UBE2QL1: variants seen among roughly 807,000 people sequenced by gnomAD.
UBE2QL1 encodes ubiquitin-conjugating enzyme E2Q-like protein 1.
UBE2QL1 carries 5 observed loss-of-function variants against 12.6 expected under a neutral mutation model. That is an observed-to-expected ratio of 0.40 (90% CI 0.21 to 0.83). UBE2QL1 has a LOEUF of 0.83. Ranked by LOEUF, UBE2QL1 falls within the 40% of genes least tolerant of loss-of-function variation. UBE2QL1 has a pLI of 0.37. For missense variants in UBE2QL1, 99 were observed against 222.6 expected, an observed-to-expected ratio of 0.44 and a Z score of 3.53; for synonymous variants, 96 against 94.5, an observed-to-expected ratio of 1.02 and a Z score of -0.10.
chr5:6,488,844 A>C (rs1734514324), intron 1 of UBE2QL1, among the ~76,000 whole-genome samples: 1 of 151,976 alleles, frequency 6.6e-6, no homozygotes, highest in Non-Finnish European at 1.5e-5. Context: ...ACATCCTCGC[A>C]AAGATGTGAA....
chr5:6,450,109 C>T (rs1264125948), intron 1 of UBE2QL1, among the ~76,000 whole-genome samples: 1 of 139,860 alleles, frequency 7.2e-6, no homozygotes, highest in African/African-American at 2.7e-5. Context: ...ACGGCAATGC[C>T]TGTTTTCCCC....
rs79344463 is a variant in UBE2QL1, at chr5:6,461,723, A to G, written c.354+12476A>G. Among the ~76,000 whole-genome samples, 1,158 of 152,210 alleles carry G rather than the reference A, an allele frequency of 7.6e-3. 16 individuals are homozygous for G. Among genetic ancestry groups the G allele is most frequent in the African/African-American group, 0.026 (1,095 of 41,530 alleles). On this transcript the variant is annotated intron_variant, in intron 1 of 1. Transcript: ENST00000399816. ...CCTACAGTGCTCAGACCATTTGTTCATATTTATTTATGTCTCCTTTTTGCT... is the reference window on the plus strand; with the variant it reads ...CCTACAGTGCTCAGACCATTTGTTCGTATTTATTTATGTCTCCTTTTTGCT...
At chr5:6,455,320 C>T (rs1739497793) in intron 1 of UBE2QL1, among the ~76,000 whole-genome samples, 3 of 152,150 alleles carry the variant, frequency 2.0e-5, no homozygotes, top group Admixed American at 1.3e-4. Context: ...AGAAGGAAGG[C>T]AGCCTCACTA....
intron 1 of UBE2QL1, among the ~76,000 whole-genome samples, chr5:6,463,974 AT>A (rs1216849406): frequency 7.2e-5 from 10 of 139,152 alleles, no homozygotes; most frequent in South Asian, 2.3e-4. Context: ...ATTCTAAGAG[AT>A]TTTTTTTTTA....
chr5:6,451,606 G>A (rs1041908408), intron 1 of UBE2QL1, among the ~76,000 whole-genome samples: 4 of 152,170 alleles, frequency 2.6e-5, no homozygotes, highest in Non-Finnish European at 5.9e-5. Context: ...TTTTTAAAGT[G>A]CAAGTTCAAT....
chr5:6,462,663 T>A (rs1739698464), intron 1 of UBE2QL1, among the ~76,000 whole-genome samples: 1 of 152,130 alleles, frequency 6.6e-6, no homozygotes, highest in African/African-American at 2.4e-5. Flanking sequence ...ATTGGAGGGC[T>A]CAAGGAAGAA....
intron 1 of UBE2QL1, among the ~76,000 whole-genome samples, chr5:6,484,026 T>C (rs1184806073): frequency 1.3e-5 from 2 of 152,244 alleles, no homozygotes; most frequent in South Asian, 2.1e-4. Context: ...CTGAGGTGAC[T>C]ATTTTGAGTT....
chr5:6,491,418 A>G lies in UBE2QL1; in HGVS notation c.*69A>G, dbSNP rs543863825. 7,023 of 1,461,868 alleles carry G rather than the reference A, an allele frequency of 4.8e-3. 24 individuals are homozygous for G. Among genetic ancestry groups the G allele is most frequent in the Non-Finnish European group, 5.4e-3 (5,955 of 1,106,066 alleles). 90.6% of individuals were successfully genotyped at this position (1,461,868 alleles called of 1,614,324 possible). A position where few individuals can be genotyped will look rare whatever the true frequency, so the allele number is the denominator to read the frequency against. ...ACACCAGTACCCTGACATCTCCTCA[A>G]TGCTGTGCATCCTCCACCCGTTTTT... On this transcript the variant is annotated 3_prime_UTR_variant, in exon 2 of 2. Coordinates refer to ENST00000399816, the MANE Select transcript of UBE2QL1 (RefSeq NM_001145161.3).
At chr5:6,465,846 C>T (rs1169227416) in intron 1 of UBE2QL1, among the ~76,000 whole-genome samples, 2 of 152,230 alleles carry the variant, frequency 1.3e-5, no homozygotes, top group African/African-American at 4.8e-5. Context: ...GAGGACGGAA[C>T]CTGGACTCCT....
rs1480307164 is a variant in UBE2QL1, at chr5:6,495,741, T to C, written c.*4392T>C. 6.6e-6 allele frequency among the ~76,000 whole-genome samples: 1 copy of C among 152,214 alleles called. No individual in the cohort carries two copies. Among genetic ancestry groups the C allele is most frequent in the African/African-American group, 2.4e-5 (1 of 41,460 alleles). On this transcript the variant is annotated 3_prime_UTR_variant, in exon 2 of 2. Coordinates refer to ENST00000399816, the MANE Select transcript of UBE2QL1 (RefSeq NM_001145161.3). ...TGTAAGGGGCTTGGAGCTCAGCCTA[T>C]GGGACTGTAGTCAGAACTTTGTAAT...
chr5:6,480,044 AG>A (rs1734327600), intron 1 of UBE2QL1, among the ~76,000 whole-genome samples: 1 of 152,254 alleles, frequency 6.6e-6, no homozygotes, highest in South Asian at 2.1e-4. Flanking sequence ...ATCCAGTGCC[AG>A]GGGGCACAGC....
intron 1 of UBE2QL1, among the ~76,000 whole-genome samples, chr5:6,464,143 T>C (rs902980624): frequency 1.3e-5 from 2 of 152,138 alleles, no homozygotes; most frequent in African/African-American, 4.8e-5. Flanking sequence ...CGTAATTAAG[T>C]AGAATTGGGA....
At chr5:6,488,343 G>A (rs1293567429) in intron 1 of UBE2QL1, among the ~76,000 whole-genome samples, 1 of 152,080 alleles carries the variant, frequency 6.6e-6, no homozygotes, top group Non-Finnish European at 1.5e-5. Flanking sequence ...AGTCCAGGAT[G>A]ACTGTGAGCC....
intron 1 of UBE2QL1, among the ~76,000 whole-genome samples, chr5:6,484,417 C>T (rs272453): frequency 0.33 from 50,155 of 152,000 alleles, 8,226 homozygotes; most frequent in South Asian, 0.4. Flanking sequence ...TCAGGCCACA[C>T]GCATGCTCTT....
intron 1 of UBE2QL1, among the ~76,000 whole-genome samples, chr5:6,450,518 A>C (rs566430108): frequency 9.6e-4 from 146 of 152,328 alleles, no homozygotes; most frequent in African/African-American, 3.4e-3. Flanking sequence ...TTATGAAAAA[A>C]TCATCGTTTT....
rs1211599297 is a variant in UBE2QL1, at chr5:6,449,258, C to T, written c.354+11C>T. 2.0e-5 allele frequency: 27 copies of T among 1,372,000 alleles called. No homozygotes were observed. Among genetic ancestry groups the T allele is most frequent in the South Asian group, 5.1e-5 (3 of 58,890 alleles). The allele number at this position is 1,372,000 out of a possible 1,614,324, so 85.0% of individuals were successfully genotyped here. A position where few individuals can be genotyped will look rare whatever the true frequency, so the allele number is the denominator to read the frequency against. On this transcript the variant is annotated intron_variant, in intron 1 of 1. Coordinates refer to ENST00000399816, the MANE Select transcript of UBE2QL1 (RefSeq NM_001145161.3). ...CTGGTCAAGGGCCAGGTAAGGCGAG[C>T]GCGCCGGGGCTGGGGGCGCGGGGCC... is the stretch of plus-strand genomic sequence containing the variant.
intron 1 of UBE2QL1, among the ~76,000 whole-genome samples, chr5:6,482,731 C>T (rs375419236): frequency 6.6e-6 from 1 of 152,212 alleles, no homozygotes; most frequent in East Asian, 1.9e-4. Context: ...GCTGAACAGC[C>T]TCAGTGCACA....
At chr5:6,487,302 A>G (rs976226292) in intron 1 of UBE2QL1, among the ~76,000 whole-genome samples, 1 of 152,236 alleles carries the variant, frequency 6.6e-6, no homozygotes, top group African/African-American at 2.4e-5. Context: ...TCAAATCAAA[A>G]TACCACCTAC....
intron 1 of UBE2QL1, among the ~76,000 whole-genome samples, chr5:6,462,123 A>C (rs1408371695): frequency 1.3e-5 from 2 of 152,190 alleles, no homozygotes; most frequent in East Asian, 3.9e-4. Flanking sequence ...TGTGGCCAGA[A>C]GATGCTCCGA....
Sources: allele counts gnomAD v4.1 joint callset (sites outside exome capture counted in the v4.1 genomes callset), GRCh38; gene constraint gnomAD v4.1.1; transcripts MANE v1.5; gene names NCBI Gene and HGNC (gene_info 2026-07-23, HGNC 2026-07-21).